BAG4: variants seen among roughly 807,000 people sequenced by gnomAD.
The protein encoded by BAG4 is BAG cochaperone 4.
BAG4 carries 28 observed loss-of-function variants against 52.1 expected under a neutral mutation model. The ratio of observed to expected loss-of-function variants is 0.54; its 90% CI spans 0.40 to 0.74. The LOEUF (loss-of-function observed/expected upper bound fraction) is 0.74, where lower values mean the gene tolerates loss of function less well. Ranked by LOEUF, BAG4 falls within the 30% of genes least tolerant of loss-of-function variation. The pLI is 0.00. For synonymous variants in BAG4, 208 were observed against 217.0 expected, an observed-to-expected ratio of 0.96 and a Z score of 0.37; for missense variants, 525 against 572.0, an observed-to-expected ratio of 0.92 and a Z score of 0.84.
At chr8:38,180,522 CAAAAAAAAAAAAAAAA>C (rs1161178024) in intron 1 of BAG4, among the ~76,000 whole-genome samples, 1 of 26,492 alleles carries the variant, frequency 3.8e-5, no homozygotes, top group Non-Finnish European at 7.7e-5. Context: ...GACTCCGTCT[CAAAAAAAAAAAAAAAA>C]AAAAAAAAAA....
At chr8:38,200,572 T>G (rs943714132) in intron 2 of BAG4, among the ~76,000 whole-genome samples, 4 of 152,186 alleles carry the variant, frequency 2.6e-5, no homozygotes, top group Non-Finnish European at 4.4e-5. Flanking sequence ...TTTCAACTTA[T>G]GTAAAAAAGG....
At chr8:38,209,290 C>T (rs1320095586) in intron 4 of BAG4, 23 bp downstream of exon 4, 1 of 1,613,818 alleles carries the variant, frequency 6.2e-7, no homozygotes, top group Admixed American at 1.7e-5. Context: ...AATGTTGTTC[C>T]TTTAATGTGT....
At chr8:38,203,483 C>T (rs973940122) in intron 2 of BAG4, among the ~76,000 whole-genome samples, 12 of 152,062 alleles carry the variant, frequency 7.9e-5, no homozygotes, top group African/African-American at 2.9e-4. Context: ...CAGGGTTTCA[C>T]CGTGTTAGCC....
intron 2 of BAG4, among the ~76,000 whole-genome samples, chr8:38,193,301 C>T (rs549357066): frequency 2.6e-5 from 4 of 151,882 alleles, no homozygotes; most frequent in Non-Finnish European, 4.4e-5. Context: ...CGCCTGTACT[C>T]CCAGCTACTC....
At chr8:38,192,609 A>G in intron 1 of BAG4, 79 bp from the exon 2 acceptor site, 1 of 1,160,128 alleles carries the variant, frequency 8.6e-7, no homozygotes, top group Non-Finnish European at 1.2e-6. Context: ...TTTAATCCTT[A>G]TAACCTGCCT....
At chr8:38,195,306 A>G (rs1434500753) in intron 2 of BAG4, among the ~76,000 whole-genome samples, 1 of 152,200 alleles carries the variant, frequency 6.6e-6, no homozygotes. Context: ...GCACATTACT[A>G]TGCCCAGCTA....
intron 2 of BAG4, among the ~76,000 whole-genome samples, chr8:38,197,986 G>T (rs1803591697): frequency 6.6e-6 from 1 of 152,146 alleles, no homozygotes; most frequent in South Asian, 2.1e-4. Context: ...AGGCCTGAGT[G>T]AGCCACTGCA....
At chr8:38,207,463 A>T (rs925532011) in intron 2 of BAG4, 49 bp from the exon 3 acceptor site, 1 of 1,578,624 alleles carries the variant, frequency 6.3e-7, no homozygotes. Context: ...AGGGCATTTC[A>T]GCTCTTCTAC....
At chr8:38,191,341 T>G (rs926839777) in intron 1 of BAG4, among the ~76,000 whole-genome samples, 1 of 152,164 alleles carries the variant, frequency 6.6e-6, no homozygotes, top group Non-Finnish European at 1.5e-5. Flanking sequence ...TATTATGAAA[T>G]GGATAAGTAG....
At chr8:38,178,713 A>C (rs1585648394) in intron 1 of BAG4, among the ~76,000 whole-genome samples, 1 of 152,250 alleles carries the variant, frequency 6.6e-6, no homozygotes. Context: ...GAAAGACTGC[A>C]TATTGTGTGA....
At chr8:38,204,703 A>G (rs1223775530) in intron 2 of BAG4, among the ~76,000 whole-genome samples, 2 of 152,070 alleles carry the variant, frequency 1.3e-5, no homozygotes, top group Non-Finnish European at 2.9e-5. Flanking sequence ...AAAAATAAAC[A>G]ACAAAAGCCA....
intron 2 of BAG4, among the ~76,000 whole-genome samples, chr8:38,199,580 G>A (rs907780367): frequency 2.0e-5 from 3 of 150,390 alleles, no homozygotes; most frequent in African/African-American, 7.4e-5. Context: ...CTGGAGTGCA[G>A]TGGCACAATC....
chr8:38,180,262 C>T (rs977133858), intron 1 of BAG4, among the ~76,000 whole-genome samples: 7 of 152,072 alleles, frequency 4.6e-5, no homozygotes, highest in Admixed American at 2.6e-4. Flanking sequence ...GTGGCTCACG[C>T]CTGTAAACCC....
intron 1 of BAG4, among the ~76,000 whole-genome samples, chr8:38,184,545 G>A (rs967239100): frequency 6.6e-6 from 1 of 152,072 alleles, no homozygotes; most frequent in Non-Finnish European, 1.5e-5. Context: ...TGGCCAGGAG[G>A]TGGCGCCTCC....
At chr8:38,196,250 G>A (rs1251783881) in intron 2 of BAG4, among the ~76,000 whole-genome samples, 1 of 152,138 alleles carries the variant, frequency 6.6e-6, no homozygotes, top group Non-Finnish European at 1.5e-5. Flanking sequence ...ATCAATTTGA[G>A]GAACTAGCAA....
At chr8:38,190,543 C>T (rs563767810) in intron 1 of BAG4, among the ~76,000 whole-genome samples, 6 of 151,646 alleles carry the variant, frequency 4.0e-5, no homozygotes, top group Admixed American at 2.6e-4. Flanking sequence ...CTGCCTCTCA[C>T]CTCTCAGCCT....
In BAG4 at chr8:38,204,592, G is replaced by A. The variant is rs536585132; in HGVS notation, c.379-2920G>A. Among the ~76,000 whole-genome samples the A allele has an allele frequency of 3.2e-4, 48 of 151,120 alleles. 1 individual carries two copies. The South Asian group carries it at 9.9e-3, about 31-fold the overall frequency. On this transcript the variant is annotated intron_variant, in intron 2 of 4. Transcript: ENST00000287322. Reference sequence around the variant, plus strand: ...GGATCACTTCAGCCTAAAAGTTTGAGACTAGCCTGGCAACATAGCGTGACC... The same window carrying A: ...GGATCACTTCAGCCTAAAAGTTTGAAACTAGCCTGGCAACATAGCGTGACC...
intron 1 of BAG4, among the ~76,000 whole-genome samples, chr8:38,184,794 G>GT (rs1259762902): frequency 6.6e-6 from 1 of 152,046 alleles, no homozygotes; most frequent in African/African-American, 2.4e-5. Flanking sequence ...GCCAAGTATA[G>GT]AATGCTGTGC....
intron 1 of BAG4, among the ~76,000 whole-genome samples, chr8:38,183,071 GTCTC>G (rs1487234835): frequency 4.1e-5 from 5 of 120,582 alleles, no homozygotes; most frequent in African/African-American, 1.6e-4. Context: ...TTTAGACAGA[GTCTC>G]TCTTTGTCGC....
Sources: gnomAD v4.1 joint callset for allele counts (sites outside exome capture counted in the v4.1 genomes callset) on GRCh38, gnomAD v4.1.1 for gene constraint, MANE v1.5 for transcripts, NCBI Gene and HGNC (gene_info 2026-07-23, HGNC 2026-07-21) for gene names.